The following JAK2 variants were observed in gnomAD, a reference collection of about 807,000 sequenced individuals.
The protein encoded by JAK2 is Janus kinase 2, also known as tyrosine-protein kinase JAK2.
Under a neutral mutation model 139.3 loss-of-function variants are expected in JAK2, and 86 were observed. The observed-to-expected ratio is 0.62, with a 90% CI of 0.52 to 0.74. JAK2 has a LOEUF of 0.74. Among genes scored for constraint, JAK2 ranks in the 30% least tolerant of loss-of-function variants. JAK2 has a pLI of 0.00. For synonymous variants in JAK2, 490 were observed against 437.7 expected (o/e 1.12, Z -1.49); for missense variants, 1,421 against 1,360.3 (o/e 1.04, Z -0.70).
At position 5,065,056 on chromosome 9, in the gene JAK2, T is replaced by C; in HGVS notation, c.1214+16T>C. Reference sequence around the variant, plus strand: ...GCCCAATTTCGTGAGTAATACAGACTTAAAAGTAAATTTTTAGAAAAGTAA... The same window carrying C: ...GCCCAATTTCGTGAGTAATACAGACCTAAAAGTAAATTTTTAGAAAAGTAA... On this transcript the variant is annotated intron_variant, in intron 9 of 24. Coordinates refer to ENST00000381652, the MANE Select transcript of JAK2 (RefSeq NM_004972.4). 1 of 1,494,820 alleles carries C rather than the reference T, an allele frequency of 6.7e-7. No homozygotes were observed. The allele number at this position is 1,494,820 out of a possible 1,614,324, so 92.6% of individuals were successfully genotyped here.
Position 5,054,553 on chromosome 9 carries a change from T to G in JAK2, c.615-10T>G. On this transcript the variant is annotated splice_polypyrimidine_tract_variant and intron_variant, in intron 6 of 24. Coordinates refer to ENST00000381652, the MANE Select transcript of JAK2 (RefSeq NM_004972.4). The surrounding 1 kb of genome is among the most constrained non-coding windows in gnomAD (Gnocchi z 4.9). The stretch of plus-strand genomic sequence containing the variant: ...GTTTTGTTTTTCTGTATGTGCTTTT[T>G]TATCCCTAGCTACAAGACATTCTTA... 1.3e-6 allele frequency: 2 copies of G among 1,548,088 alleles called. No homozygotes were observed. Among genetic ancestry groups the G allele is most frequent in the Non-Finnish European group, 1.7e-6 (2 of 1,147,838 alleles).
chr9:5,033,210 GAAAC>G (rs1823302251), intron 4 of JAK2, among the ~76,000 whole-genome samples: 2 of 152,116 alleles, frequency 1.3e-5, no homozygotes, highest in South Asian at 2.1e-4. Context: ...GGAATAAAAG[GAAAC>G]AAACAAAGCC....
At chr9:5,032,823 C>T (rs1454152162) in intron 4 of JAK2, among the ~76,000 whole-genome samples, 1 of 152,192 alleles carries the variant, frequency 6.6e-6, no homozygotes, top group Non-Finnish European at 1.5e-5. Flanking sequence ...ACTGGAAACT[C>T]TAAAAATGAG....
At chr9:5,011,850 A>C (rs750204421) in intron 2 of JAK2, among the ~76,000 whole-genome samples, 7 of 152,134 alleles carry the variant, frequency 4.6e-5, no homozygotes, top group African/African-American at 7.2e-5. Flanking sequence ...GGTCTATTTC[A>C]GTTTTGCCAT....
intron 2 of JAK2, among the ~76,000 whole-genome samples, chr9:4,986,284 T>C (rs901639568): frequency 3.9e-5 from 6 of 152,242 alleles, no homozygotes; most frequent in Admixed American, 1.3e-4. Context: ...AAAAACGTTG[T>C]CCATTACCCT....
chr9:5,023,524 G>C (rs1296349087), intron 3 of JAK2, among the ~76,000 whole-genome samples: 2 of 152,174 alleles, frequency 1.3e-5, no homozygotes, highest in African/African-American at 4.8e-5. Context: ...TGAATTTTTT[G>C]TCCTGCAAGG....
intron 4 of JAK2, among the ~76,000 whole-genome samples, chr9:5,032,678 A>T (rs938167497): frequency 3.3e-5 from 5 of 152,332 alleles, no homozygotes; most frequent in East Asian, 1.9e-4. Context: ...GACCTGCAGC[A>T]GAGGGTCCTG....
chr9:5,036,164 T>C (rs1823584654), intron 4 of JAK2, among the ~76,000 whole-genome samples: 1 of 152,114 alleles, frequency 6.6e-6, no homozygotes, highest in Non-Finnish European at 1.5e-5. Context: ...GAATCCAACT[T>C]ACAAGGGATG....
intron 19 of JAK2, among the ~76,000 whole-genome samples, chr9:5,087,528 T>G (rs1287991642): frequency 2.0e-5 from 3 of 152,190 alleles, no homozygotes; most frequent in Non-Finnish European, 4.4e-5. Context: ...TGGTTTTCTA[T>G]CTTAAATCTT....
chr9:5,064,812 G>T, intron 8 of JAK2, 71 bp from the exon 9 acceptor site: 1 of 1,208,832 alleles, frequency 8.3e-7, no homozygotes, highest in Non-Finnish European at 1.1e-6. Flanking sequence ...ATGGAATGAA[G>T]AAAATTTTCA....
chr9:5,064,925 T>C lies in JAK2; in HGVS notation c.1099T>C (p.Ser367Pro), dbSNP rs1328674513. The change falls in exon 9 of 25, where the codon TCA (serine) becomes CCA (proline). Residue 367 changes from serine to proline, a missense_variant. Ser to Pro is a moderately conservative substitution (Grantham distance 74, BLOSUM62 -1). Coordinates refer to ENST00000381652, the MANE Select transcript of JAK2 (RefSeq NM_004972.4). Reference sequence around the variant, plus strand: ...ATTAAGGGAAGCTTTGTCTTTCGTGTCATTAATTGATGGATATTATAGATT... The same window carrying C: ...ATTAAGGGAAGCTTTGTCTTTCGTGCCATTAATTGATGGATATTATAGATT... ...SSLREALSFVSLIDGYYRLTA... is the reference protein window; with the variant it reads ...SSLREALSFVPLIDGYYRLTA... The C allele has an allele frequency of 6.9e-6, 11 of 1,599,220 alleles. No individual in the cohort carries two copies. The highest frequency in any genetic ancestry group is 9.4e-6 in the Non-Finnish European group (11 of 1,172,244).
At chr9:5,120,421 T>A (rs904296239) in intron 22 of JAK2, among the ~76,000 whole-genome samples, 1 of 152,240 alleles carries the variant, frequency 6.6e-6, no homozygotes, top group African/African-American at 2.4e-5. Context: ...GCCCATGATA[T>A]CATTTTTTTA....
intron 19 of JAK2, among the ~76,000 whole-genome samples, chr9:5,083,077 T>C (rs1199395137): frequency 1.3e-5 from 2 of 152,254 alleles, no homozygotes; most frequent in African/African-American, 2.4e-5. Flanking sequence ...GGCAGTATTA[T>C]TCAAATTGAC....
intron 8 of JAK2, among the ~76,000 whole-genome samples, chr9:5,056,018 T>C (rs1817740844): frequency 6.6e-6 from 1 of 152,058 alleles, no homozygotes; most frequent in Non-Finnish European, 1.5e-5. Context: ...TTTTTACTCA[T>C]TTTTATGATT....
rs138470455 is a variant in JAK2 at position 5,089,820 on chromosome 9, G to T, written c.2718G>T (p.Gln906His). ...AAATTGAAATCCTGAAATCCCTACA[G>T]CATGACAACATTGTAAAGTACAAGG... ...EREIEILKSL[Q>H]HDNIVKYKGV... is the part of the protein sequence containing the mutation. Residue 906 changes from glutamine to histidine, a missense_variant, in exon 20 of 25, where the codon CAG (glutamine) becomes CAT (histidine). Gln to His is a conservative substitution (Grantham distance 24, BLOSUM62 0). Transcript: ENST00000381652. 6 of 1,591,552 alleles carry T rather than the reference G, an allele frequency of 3.8e-6. No homozygotes were observed. In the African/African-American group the frequency reaches 6.8e-5, roughly 18 times the overall value.
At chr9:5,109,555 G>A (rs1007511242) in intron 22 of JAK2, 1 of 152,024 alleles carries the variant, frequency 6.6e-6, no homozygotes, top group Non-Finnish European at 1.5e-5. Context: ...CAATTATTAC[G>A]TTAGTCAACC....
At chr9:5,050,225 G>A (rs1428736047) in intron 5 of JAK2, among the ~76,000 whole-genome samples, 1 of 152,148 alleles carries the variant, frequency 6.6e-6, no homozygotes, top group Non-Finnish European at 1.5e-5. Flanking sequence ...GTTTCCATTT[G>A]CAAATGAACT....
chr9:5,128,448 TC>T lies in JAK2; in HGVS notation c.*1659del, dbSNP rs1487322374. Among the ~76,000 whole-genome samples, 1 of 151,824 alleles carries T rather than the reference TC, an allele frequency of 6.6e-6. No individual in the cohort carries two copies. The highest frequency in any genetic ancestry group is 1.9e-4 in the East Asian group (1 of 5,200). ...TATATGCAACACAGTAAGGAGATCT[TC>T]CATTTTACTACCTTTCAAGTGAAAA... On this transcript the variant is annotated 3_prime_UTR_variant, in exon 25 of 25. Coordinates refer to ENST00000381652, the MANE Select transcript of JAK2 (RefSeq NM_004972.4).
chr9:5,078,232 G>T (rs2130588329), intron 15 of JAK2, 74 bp from the exon 16 acceptor site: 5 of 1,207,446 alleles, frequency 4.1e-6, no homozygotes, highest in Non-Finnish European at 5.8e-6. Context: ...AATCTGTTTT[G>T]GGGGCTTGAA....
Sources: allele counts gnomAD v4.1 joint callset (sites outside exome capture counted in the v4.1 genomes callset), GRCh38; gene constraint gnomAD v4.1.1; non-coding constraint Gnocchi (gnomAD v3.1); transcripts MANE v1.5; gene names NCBI Gene and HGNC (gene_info 2026-07-23, HGNC 2026-07-21).